Variants in RBFOX1 observed in about 807,000 individuals in gnomAD.
RBFOX1 encodes RNA binding fox-1 homolog 1.
In RBFOX1, 8 loss-of-function variants were observed where a neutral mutation model predicts 57.7. The observed-to-expected ratio is 0.14, with a 90% CI of 0.08 to 0.25. The LOEUF is 0.25. Ranked by LOEUF, RBFOX1 falls within the 10% of genes least tolerant of loss-of-function variation. The pLI is 1.00. For missense variants in RBFOX1, 611 were observed against 548.5 expected, an observed-to-expected ratio of 1.11 and a Z score of -1.14; for synonymous variants, 326 against 222.4, an observed-to-expected ratio of 1.47 and a Z score of -4.15.
chr16:7,101,606 G>T (rs575027806), intron 4 of RBFOX1, among the ~76,000 whole-genome samples: 1 of 152,234 alleles, frequency 6.6e-6, no homozygotes, highest in Admixed American at 6.5e-5. Context: ...CAGCTATAAA[G>T]ACTCTGATGA....
intron 3 of RBFOX1, among the ~76,000 whole-genome samples, chr16:6,822,923 C>G (rs553605579): frequency 1.6e-4 from 24 of 152,274 alleles, no homozygotes; most frequent in African/African-American, 4.6e-4. Flanking sequence ...GCTGCTGCAG[C>G]AGAGGATAGT....
chr16:7,467,096 G>C lies in RBFOX1; in HGVS notation c.28-51051G>C, dbSNP rs746214798. Among the ~76,000 whole-genome samples the C allele has an allele frequency of 2.6e-5, 4 of 152,114 alleles. No individual in the cohort carries two copies. In the South Asian group the frequency reaches 8.3e-4, roughly 32 times the overall value. On this transcript the variant is annotated intron_variant, in intron 4 of 15. Coordinates refer to ENST00000550418, the MANE Select transcript of RBFOX1 (RefSeq NM_018723.4). ...TAAATATGTACATATTTTAAATTGCGATATGAAGGATAAGTAACACAAGCA... is the reference window on the plus strand; with the variant it reads ...TAAATATGTACATATTTTAAATTGCCATATGAAGGATAAGTAACACAAGCA...
intron 1 of RBFOX1, among the ~76,000 whole-genome samples, chr16:6,305,809 C>T (rs2079440721): frequency 6.6e-6 from 1 of 151,950 alleles, no homozygotes; most frequent in South Asian, 2.1e-4. Flanking sequence ...CCAGTTGCAC[C>T]AAGTGGGTAT....
At chr16:7,350,356 G>C (rs1368392103) in intron 4 of RBFOX1, among the ~76,000 whole-genome samples, 1 of 152,178 alleles carries the variant, frequency 6.6e-6, no homozygotes, top group Non-Finnish European at 1.5e-5. Flanking sequence ...CGGATGGTCA[G>C]TATGGCTGTG....
At chr16:6,662,823 C>G (rs896214670) in intron 3 of RBFOX1, among the ~76,000 whole-genome samples, 26 of 152,076 alleles carry the variant, frequency 1.7e-4, no homozygotes, top group African/African-American at 4.8e-4. Context: ...AAATACTGTT[C>G]TTTCTGCTCT....
intron 1 of RBFOX1, among the ~76,000 whole-genome samples, chr16:5,368,206 G>A (rs138244761): frequency 2.2e-4 from 34 of 152,306 alleles, no homozygotes; most frequent in Middle Eastern, 3.4e-3. Context: ...TGCTCATGTG[G>A]TTATCTTGAA....
At chr16:7,469,895 T>C (rs2061247087) in intron 4 of RBFOX1, among the ~76,000 whole-genome samples, 1 of 152,206 alleles carries the variant, frequency 6.6e-6, no homozygotes, top group African/African-American at 2.4e-5. Flanking sequence ...TGAGTTTGAC[T>C]ACGCTAAGTA....
intron 1 of RBFOX1, among the ~76,000 whole-genome samples, chr16:5,453,521 A>G (rs184001922): frequency 1.0e-3 from 159 of 152,280 alleles, no homozygotes; most frequent in African/African-American, 3.7e-3. Flanking sequence ...GCTCTGGTGT[A>G]AGGAAATGAC....
intron 2 of RBFOX1, among the ~76,000 whole-genome samples, chr16:6,347,499 C>G (rs1205476597): frequency 6.6e-6 from 1 of 152,212 alleles, no homozygotes; most frequent in Non-Finnish European, 1.5e-5. Context: ...ATGTTCTTCA[C>G]TATGACAGTG....
At chr16:5,339,470 G>GTTTTTTTGTTTTTTTTTTTTTT (rs2064982930) in intron 1 of RBFOX1, among the ~76,000 whole-genome samples, 1 of 40,854 alleles carries the variant, frequency 2.4e-5, no homozygotes. Flanking sequence ...CTTTTTCCGT[G>GTTTTTTTGTTTTTTTTTTTTTT]TTTTTTTTTT....
intron 3 of RBFOX1, among the ~76,000 whole-genome samples, chr16:5,771,621 C>T (rs1016367634): frequency 6.6e-6 from 1 of 152,102 alleles, no homozygotes; most frequent in Non-Finnish European, 1.5e-5. Context: ...GCTGCCCAGG[C>T]TGGTCTTGAA....
At chr16:5,461,048 T>TG (rs2068771869) in intron 1 of RBFOX1, among the ~76,000 whole-genome samples, 1 of 151,994 alleles carries the variant, frequency 6.6e-6, no homozygotes, top group African/African-American at 2.4e-5. Context: ...TCTACTGGGG[T>TG]GGGGGTCCCG....
intron 2 of RBFOX1, among the ~76,000 whole-genome samples, chr16:5,546,485 T>G (rs548481282): frequency 6.6e-6 from 1 of 152,210 alleles, no homozygotes; most frequent in Non-Finnish European, 1.5e-5. Flanking sequence ...TGGGTCGATG[T>G]AACAGTAAAG....
intron 2 of RBFOX1, among the ~76,000 whole-genome samples, chr16:6,450,220 C>T (rs2094561834): frequency 6.6e-6 from 1 of 152,058 alleles, no homozygotes; most frequent in African/African-American, 2.4e-5. Flanking sequence ...TTTTTGACTC[C>T]TATAAGCATT....
chr16:6,576,585 C>G (rs1049452254), intron 2 of RBFOX1, among the ~76,000 whole-genome samples: 18 of 152,170 alleles, frequency 1.2e-4, no homozygotes, highest in Non-Finnish European at 1.9e-4. Context: ...ACTGAGTCCT[C>G]TGAACCTTCT....
intron 1 of RBFOX1, among the ~76,000 whole-genome samples, chr16:6,292,208 C>T (rs537195722): frequency 1.8e-4 from 28 of 152,138 alleles, no homozygotes; most frequent in Admixed American, 1.8e-3. Context: ...TGCAGTAAGC[C>T]ATGATCACAC....
At chr16:6,557,933 C>T (rs1267260745) in intron 2 of RBFOX1, among the ~76,000 whole-genome samples, 1 of 152,096 alleles carries the variant, frequency 6.6e-6, no homozygotes, top group African/African-American at 2.4e-5. Context: ...TTATGGCATG[C>T]CCAACTCATC....
intron 2 of RBFOX1, among the ~76,000 whole-genome samples, chr16:6,381,971 T>C (rs2091860179): frequency 6.6e-6 from 1 of 152,204 alleles, no homozygotes; most frequent in Non-Finnish European, 1.5e-5. Flanking sequence ...TCTGCAAAGT[T>C]TTCCTGTAAA....
intron 3 of RBFOX1, among the ~76,000 whole-genome samples, chr16:5,647,895 T>C (rs1378954652): frequency 6.6e-6 from 1 of 152,194 alleles, no homozygotes; most frequent in African/African-American, 2.4e-5. Flanking sequence ...AGTTTCATTC[T>C]GTCACTCAGC....
Sources: gnomAD v4.1 joint callset for allele counts (sites outside exome capture counted in the v4.1 genomes callset) on GRCh38, gnomAD v4.1.1 for gene constraint, MANE v1.5 for transcripts, NCBI Gene and HGNC (gene_info 2026-07-23, HGNC 2026-07-21) for gene names.